BCL2L10: variants seen among roughly 807,000 people sequenced by gnomAD.
BCL2L10 encodes BCL2 like 10, also known as bcl-2-like protein 10.
In BCL2L10, 14 loss-of-function variants were observed where a neutral mutation model predicts 11.1. The observed-to-expected ratio is 1.26, with a 90% CI of 0.83 to 1.96. BCL2L10 has a LOEUF of 1.96. Ranked by LOEUF, BCL2L10 falls within the 30% of genes most tolerant of loss-of-function variation. The pLI is 0.00. For synonymous variants in BCL2L10, 154 were observed against 133.4 expected, an observed-to-expected ratio of 1.15 and a Z score of -1.07; for missense variants, 309 against 273.9, an observed-to-expected ratio of 1.13 and a Z score of -0.90.
At chr15:52,111,074 C>T (rs1378668906) in intron 1 of BCL2L10, among the ~76,000 whole-genome samples, 2 of 151,972 alleles carry the variant, frequency 1.3e-5, no homozygotes, top group African/African-American at 4.8e-5. Context: ...AGGTGGCTCA[C>T]GTCTGTAATC....
At chr15:52,110,930 G>C (rs1284375732) in intron 1 of BCL2L10, among the ~76,000 whole-genome samples, 3 of 152,054 alleles carry the variant, frequency 2.0e-5, no homozygotes, top group Admixed American at 6.6e-5. Context: ...GGAGTTCACC[G>C]GCCCAGAGGG....
chr15:52,112,374 C>T lies in BCL2L10; in HGVS notation c.353G>A (p.Trp118Ter). Reference sequence around the variant, plus strand: ...CCGCGGCTGGAAGCCCCACTTCTTCCACCGGGCGGTCACCAGCGGCCCTCT... The same window carrying T: ...CCGCGGCTGGAAGCCCCACTTCTTCTACCGGGCGGTCACCAGCGGCCCTCT... ...LERGPLVTAR[W>*]KKWGFQPRLK... Residue 118 changes from tryptophan (W) to a stop codon, truncating the protein, a stop_gained, in exon 1 of 2, where the codon TGG becomes TAG. Coordinates refer to ENST00000260442, the MANE Select transcript of BCL2L10 (RefSeq NM_020396.4). LOFTEE classifies it high-confidence loss of function. The T allele has an allele frequency of 5.0e-6, 8 of 1,605,252 alleles. No homozygotes were observed. Among genetic ancestry groups the T allele is most frequent in the Non-Finnish European group, 5.9e-6 (7 of 1,179,258 alleles).
At chr15:52,111,129 G>A (rs1366545459) in intron 1 of BCL2L10, among the ~76,000 whole-genome samples, 2 of 151,034 alleles carry the variant, frequency 1.3e-5, no homozygotes, top group African/African-American at 4.9e-5. Context: ...GAGATCAAGA[G>A]ATCGAGATCT....
intron 1 of BCL2L10, among the ~76,000 whole-genome samples, chr15:52,111,362 C>G (rs2033053401): frequency 6.6e-6 from 1 of 151,930 alleles, no homozygotes. Context: ...CGAGACTCCG[C>G]CTCAAAGAAA....
In BCL2L10 at chr15:52,109,752, T is replaced by G; in HGVS notation, c.*96A>C. The G allele has an allele frequency of 6.7e-7, 1 of 1,503,078 alleles. No homozygotes were observed. Among genetic ancestry groups the G allele is most frequent in the East Asian group, 2.3e-5 (1 of 43,904 alleles). 93.1% of individuals were successfully genotyped at this position (1,503,078 alleles called of 1,614,324 possible). ...TGCATTCAGATAAAAACGTCTGGGG[T>G]GGGGGAAGGTGCTTTCCCTCAGTTC... is the stretch of plus-strand genomic sequence containing the variant. On this transcript the variant is annotated 3_prime_UTR_variant, in exon 2 of 2. Transcript: ENST00000260442.
rs2033019596 is a variant in BCL2L10, at chr15:52,109,672, A to C, written c.*176T>G. The C allele has an allele frequency of 1.3e-6, 1 of 784,730 alleles. No individual in the cohort carries two copies. Among genetic ancestry groups the C allele is most frequent in the Non-Finnish European group, 2.0e-6 (1 of 504,842 alleles). 48.6% of individuals were successfully genotyped at this position (784,730 alleles called of 1,614,324 possible). A position where few individuals can be genotyped will look rare whatever the true frequency, so the allele number is the denominator to read the frequency against. On this transcript the variant is annotated 3_prime_UTR_variant, in exon 2 of 2. Coordinates refer to ENST00000260442, the MANE Select transcript of BCL2L10 (RefSeq NM_020396.4). ...ATTTGCATTCTTGTCCTCACACCTG[A>C]GTACTTGTCACAAGTTAAAACACTG...
Position 52,109,792 on chromosome 15 carries a change from C to G in BCL2L10, c.*56G>C. ...TCCCTCAGTTCTTGTTCTCACACATCTGTCATTTAGTTGGTCACAGTTGGG... is the reference window on the plus strand; with the variant it reads ...TCCCTCAGTTCTTGTTCTCACACATGTGTCATTTAGTTGGTCACAGTTGGG... On this transcript the variant is annotated 3_prime_UTR_variant, in exon 2 of 2. Transcript: ENST00000260442. The G allele has an allele frequency of 1.3e-6, 2 of 1,598,924 alleles. No individual in the cohort carries two copies. The highest frequency in any genetic ancestry group is 1.7e-6 in the Non-Finnish European group (2 of 1,170,616).
At chr15:52,110,537 G>A (rs1244295390) in intron 1 of BCL2L10, among the ~76,000 whole-genome samples, 3 of 152,176 alleles carry the variant, frequency 2.0e-5, no homozygotes, top group African/African-American at 4.8e-5. Context: ...GGGTTCAAGC[G>A]ATTCTCCTGG....
Position 52,110,063 on chromosome 15 carries a change from G to A in BCL2L10, c.490-90C>T, listed in dbSNP as rs987053485. 51 of 1,300,244 alleles carry A rather than the reference G, an allele frequency of 3.9e-5. No homozygotes were observed. In the African/African-American group the frequency reaches 6.6e-4, roughly 17 times the overall value. The allele number at this position is 1,300,244 out of a possible 1,614,324, so 80.5% of individuals were successfully genotyped here. A position where few individuals can be genotyped will look rare whatever the true frequency, so the allele number is the denominator to read the frequency against. On this transcript the variant is annotated intron_variant, in intron 1 of 1. Transcript: ENST00000260442. ...AGGAACTTCCAGATTAAACAGCAAA[G>A]TAAAGTTTGGATTTAAAAAGTAAAA...
chr15:52,112,336 CCTG>C lies in BCL2L10; in HGVS notation c.388_390del (p.Gln130del). The C allele has an allele frequency of 6.3e-7, 1 of 1,594,798 alleles. No individual in the cohort carries two copies. On this transcript the variant is annotated inframe_deletion, in exon 1 of 2. Coordinates refer to ENST00000260442, the MANE Select transcript of BCL2L10 (RefSeq NM_020396.4). ...TGGCAGTCCCGGGCGACGTCGCCCT[CCTG>C]CTCCTTTAGCCGCGGCTGGAAGCCC...
In BCL2L10 at chr15:52,109,754, G is replaced by A. The variant is rs2227308; in HGVS notation, c.*94C>T. On this transcript the variant is annotated 3_prime_UTR_variant, in exon 2 of 2. Transcript: ENST00000260442. ...CATTCAGATAAAAACGTCTGGGGTG[G>A]GGGAAGGTGCTTTCCCTCAGTTCTT... 257,392 of 1,514,732 alleles carry A rather than the reference G, an allele frequency of 0.17. 24,753 individuals are homozygous for A. Among genetic ancestry groups the A allele is most frequent in the Admixed American group, 0.39 (20,903 of 52,964 alleles). The allele number at this position is 1,514,732 out of a possible 1,614,324, so 93.8% of individuals were successfully genotyped here. A position where few individuals can be genotyped will look rare whatever the true frequency, so the allele number is the denominator to read the frequency against.
intron 1 of BCL2L10, among the ~76,000 whole-genome samples, chr15:52,110,291 G>C (rs1358449796): frequency 6.6e-6 from 1 of 152,182 alleles, no homozygotes; most frequent in Non-Finnish European, 1.5e-5. Flanking sequence ...TTGGGAAACT[G>C]TCAAGTCACT....
intron 1 of BCL2L10, 131 bp downstream of exon 1, chr15:52,112,107 A>G: frequency 7.2e-7 from 1 of 1,386,472 alleles, no homozygotes; most frequent in African/African-American, 1.5e-5. Flanking sequence ...GGCCCGCTGA[A>G]ACGAGCCTTT....
Position 52,112,762 on chromosome 15 carries a change from G to C in BCL2L10, c.-36C>G. 2 of 1,491,032 alleles carry C rather than the reference G, an allele frequency of 1.3e-6. No individual in the cohort carries two copies. The highest frequency in any genetic ancestry group is 1.8e-6 in the Non-Finnish European group (2 of 1,128,190). 92.4% of individuals were successfully genotyped at this position (1,491,032 alleles called of 1,614,324 possible). The stretch of plus-strand genomic sequence containing the variant: ...CTGCTGGGGGGCCGGGCCTTCGCTG[G>C]TTTTCTTGGCCCGGCCGCGCCTCCC... On this transcript the variant is annotated 5_prime_UTR_variant, in exon 1 of 2. Transcript: ENST00000260442.
rs2033021908 is a variant in BCL2L10 at position 52,109,769 on chromosome 15, C to T, written c.*79G>A. ...GTCTGGGGTGGGGGAAGGTGCTTTC[C>T]CTCAGTTCTTGTTCTCACACATCTG... On this transcript the variant is annotated 3_prime_UTR_variant, in exon 2 of 2. Transcript: ENST00000260442. 3.2e-6 allele frequency: 5 copies of T among 1,567,766 alleles called. No individual in the cohort carries two copies. Among genetic ancestry groups the T allele is most frequent in the African/African-American group, 1.4e-5 (1 of 73,196 alleles).
In BCL2L10 at chr15:52,112,507, G is replaced by C. The variant is rs375623310; in HGVS notation, c.220C>G (p.Arg74Gly). The C allele has an allele frequency of 1.3e-6, 2 of 1,598,138 alleles. No homozygotes were observed. Among genetic ancestry groups the C allele is most frequent in the Non-Finnish European group, 1.7e-6 (2 of 1,176,632 alleles). Residue 74 changes from arginine (R) to glycine (G), a missense_variant, in exon 1 of 2, where the codon CGC becomes GGC. Transcript: ENST00000260442. Reference sequence around the variant, plus strand: ...GCCATCAGCGCCACCAGCTCGAAGCGGTTCCCGGGGTAGCCGAGGTAGGCG... The same window carrying C: ...GCCATCAGCGCCACCAGCTCGAAGCCGTTCCCGGGGTAGCCGAGGTAGGCG... The part of the protein sequence containing the change: ...FSAYLGYPGN[R>G]FELVALMADS...
At chr15:52,112,110 G>T in intron 1 of BCL2L10, 128 bp downstream of exon 1, 1 of 1,384,208 alleles carries the variant, frequency 7.2e-7, no homozygotes, top group Non-Finnish European at 9.3e-7. Context: ...CCGCTGAAAC[G>T]AGCCTTTCTG....
At chr15:52,110,388 G>A (rs2033036523) in intron 1 of BCL2L10, among the ~76,000 whole-genome samples, 1 of 152,090 alleles carries the variant, frequency 6.6e-6, no homozygotes, top group Non-Finnish European at 1.5e-5. Context: ...CATTTTAACT[G>A]CAATGGGCAG....
intron 1 of BCL2L10, among the ~76,000 whole-genome samples, chr15:52,110,725 A>C (rs1019330808): frequency 6.6e-6 from 1 of 152,148 alleles, no homozygotes; most frequent in South Asian, 2.1e-4. Context: ...GAGCCACTGC[A>C]CCCAGCCAAG....
Sources: gnomAD v4.1 joint callset for allele counts (sites outside exome capture counted in the v4.1 genomes callset) on GRCh38, gnomAD v4.1.1 for gene constraint, MANE v1.5 for transcripts, NCBI Gene and HGNC (gene_info 2026-07-23, HGNC 2026-07-21) for gene names.